Variants in PPP1R1C observed in about 807,000 individuals in gnomAD.
The protein encoded by PPP1R1C is protein phosphatase 1 regulatory inhibitor subunit 1C, also known as protein phosphatase 1 regulatory subunit 1C.
A neutral mutation model predicts 17.4 loss-of-function variants in PPP1R1C; 15 were observed. The ratio of observed to expected loss-of-function variants is 0.86; its 90% CI spans 0.58 to 1.33. The LOEUF (loss-of-function observed/expected upper bound fraction) is 1.33. Ranked by LOEUF, PPP1R1C falls within the 40% of genes most tolerant of loss-of-function variation. PPP1R1C has a pLI of 0.00. For synonymous variants in PPP1R1C, 35 were observed against 43.1 expected, an observed-to-expected ratio of 0.81 and a Z score of 0.73; for missense variants, 143 against 130.0, an observed-to-expected ratio of 1.10 and a Z score of -0.48.
At chr2:182,007,269 C>A (rs749714415) in intron 2 of PPP1R1C, among the ~76,000 whole-genome samples, 1 of 152,152 alleles carries the variant, frequency 6.6e-6, no homozygotes, top group African/African-American at 2.4e-5. Context: ...CACTAACATA[C>A]CACATAACTG....
intron 4 of PPP1R1C, among the ~76,000 whole-genome samples, chr2:182,072,517 T>G (rs1423966891): frequency 6.6e-6 from 1 of 152,190 alleles, no homozygotes; most frequent in Non-Finnish European, 1.5e-5. Context: ...AAGTGTGGAT[T>G]ACAGAGGAGC....
chr2:182,067,328 T>TGG (rs1314098201), intron 4 of PPP1R1C, among the ~76,000 whole-genome samples: 1 of 152,004 alleles, frequency 6.6e-6, no homozygotes. Flanking sequence ...TCTCCAAGGA[T>TGG]GGCTATGATC....
At chr2:181,969,798 G>A (rs1009581645) in intron 1 of PPP1R1C, among the ~76,000 whole-genome samples, 1 of 151,970 alleles carries the variant, frequency 6.6e-6, no homozygotes, top group African/African-American at 2.4e-5. Flanking sequence ...TTTTATTCTT[G>A]TTCTTTTGTC....
At position 181,986,192 on chromosome 2, in the gene PPP1R1C, G is replaced by A; in HGVS notation, c.81+1G>A. 6.2e-7 allele frequency: 1 copy of A among 1,610,810 alleles called. No individual in the cohort carries two copies. Among genetic ancestry groups the A allele is most frequent in the Admixed American group, 1.7e-5 (1 of 60,014 alleles). Reference sequence around the variant, plus strand: ...GATTGCACCTGAAGCAGCAGAGCAGGTATGTGAAATTGCATGGAGAACCAT... The same window carrying A: ...GATTGCACCTGAAGCAGCAGAGCAGATATGTGAAATTGCATGGAGAACCAT... On this transcript the variant is annotated splice_donor_variant, in intron 1 of 4. Coordinates refer to ENST00000682840, the MANE Select transcript of PPP1R1C (RefSeq NM_001080545.3). LOFTEE classifies it high-confidence loss of function.
At chr2:182,109,705 TTGTC>T (rs1689361440) in intron 4 of PPP1R1C, among the ~76,000 whole-genome samples, 1 of 152,162 alleles carries the variant, frequency 6.6e-6, no homozygotes, top group South Asian at 2.1e-4. Context: ...ATTGTTCTCT[TTGTC>T]TGTTTTTTCA....
intron 1 of PPP1R1C, among the ~76,000 whole-genome samples, chr2:181,969,359 C>G (rs1684962439): frequency 6.6e-6 from 1 of 152,104 alleles, no homozygotes; most frequent in Non-Finnish European, 1.5e-5. Context: ...GATATTTTCT[C>G]TGGTTATACT....
intron 2 of PPP1R1C, among the ~76,000 whole-genome samples, chr2:182,031,763 T>C (rs1365087026): frequency 6.6e-6 from 1 of 152,232 alleles, no homozygotes; most frequent in Non-Finnish European, 1.5e-5. Context: ...CTTCAAAATT[T>C]ATAAATTCTA....
intron 2 of PPP1R1C, among the ~76,000 whole-genome samples, chr2:182,057,235 G>A (rs1163407933): frequency 6.6e-6 from 1 of 152,156 alleles, no homozygotes; most frequent in Non-Finnish European, 1.5e-5. Flanking sequence ...CAGGTTGCCT[G>A]GGGAGATAAA....
intron 4 of PPP1R1C, among the ~76,000 whole-genome samples, chr2:182,096,425 G>A (rs1688939074): frequency 6.6e-6 from 1 of 151,568 alleles, no homozygotes; most frequent in Admixed American, 6.5e-5. Flanking sequence ...GCCATCTTTT[G>A]GGGTATTGTA....
chr2:181,955,283 T>G (rs1684651681), intron 1 of PPP1R1C, among the ~76,000 whole-genome samples: 1 of 152,224 alleles, frequency 6.6e-6, no homozygotes, highest in African/African-American at 2.4e-5. Context: ...TGAAATTTGT[T>G]TACATATTTC....
At chr2:181,956,152 G>T (rs558088411) in intron 1 of PPP1R1C, among the ~76,000 whole-genome samples, 1 of 152,246 alleles carries the variant, frequency 6.6e-6, no homozygotes, top group African/African-American at 2.4e-5. Context: ...TGTGGTGTTT[G>T]GTTTTCTGTT....
chr2:181,956,052 G>A (rs11887558), intron 1 of PPP1R1C, among the ~76,000 whole-genome samples: 3,409 of 151,750 alleles, frequency 0.022, 126 homozygotes, highest in African/African-American at 0.078. Context: ...CCTCCCCGCC[G>A]CCACCCCTGC....
intron 2 of PPP1R1C, among the ~76,000 whole-genome samples, chr2:181,996,667 G>A (rs1458588765): frequency 6.6e-6 from 1 of 152,156 alleles, no homozygotes; most frequent in Non-Finnish European, 1.5e-5. Flanking sequence ...AAAAAGGACT[G>A]TGCAAACTAA....
chr2:181,977,486 G>C (rs1685115026), intron 2 of PPP1R1C, among the ~76,000 whole-genome samples: 1 of 151,886 alleles, frequency 6.6e-6, no homozygotes, highest in Non-Finnish European at 1.5e-5. Context: ...AAACTGCTTG[G>C]ATTAATTTAT....
chr2:182,045,231 A>T (rs1687308210), intron 2 of PPP1R1C, among the ~76,000 whole-genome samples: 1 of 152,216 alleles, frequency 6.6e-6, no homozygotes, highest in Non-Finnish European at 1.5e-5. Flanking sequence ...ATCCAATTAC[A>T]CAGGTATTTA....
intron 2 of PPP1R1C, among the ~76,000 whole-genome samples, chr2:182,002,760 A>C (rs912230605): frequency 3.9e-5 from 6 of 152,106 alleles, no homozygotes; most frequent in Non-Finnish European, 7.4e-5. Flanking sequence ...AAAATCTCAA[A>C]ATTTAAATAT....
At chr2:182,013,054 G>T (rs889805362) in intron 2 of PPP1R1C, among the ~76,000 whole-genome samples, 7 of 152,034 alleles carry the variant, frequency 4.6e-5, no homozygotes, top group African/African-American at 1.2e-4. Flanking sequence ...GATATGAATA[G>T]TTTGCACACC....
chr2:182,071,313 G>C lies in PPP1R1C; in HGVS notation c.241+7522G>C, dbSNP rs183528878. 2.5e-3 allele frequency among the ~76,000 whole-genome samples: 373 copies of C among 151,508 alleles called. 2 individuals are homozygous for C. Among genetic ancestry groups the C allele is most frequent in the African/African-American group, 8.1e-3 (332 of 40,866 alleles). On this transcript the variant is annotated intron_variant, in intron 4 of 4. Coordinates refer to ENST00000682840, the MANE Select transcript of PPP1R1C (RefSeq NM_001080545.3). ...TAAACGTTTTGAGGAATACTGGTTA[G>C]GTATTTTCTAGAATATCCCTGTACC...
intron 4 of PPP1R1C, among the ~76,000 whole-genome samples, chr2:182,065,493 A>G (rs560302229): frequency 2.2e-4 from 34 of 152,298 alleles, no homozygotes; most frequent in African/African-American, 7.9e-4. Flanking sequence ...CTTAAATATA[A>G]TGATACAATT....
Sources: gnomAD v4.1 joint callset for allele counts (sites outside exome capture counted in the v4.1 genomes callset) on GRCh38, gnomAD v4.1.1 for gene constraint, MANE v1.5 for transcripts, NCBI Gene and HGNC (gene_info 2026-07-23, HGNC 2026-07-21) for gene names.